ASAP2: variants seen among roughly 807,000 people sequenced by gnomAD.
ASAP2 encodes the protein ArfGAP with SH3 domain, ankyrin repeat and PH domain 2.
Under a neutral mutation model 131.4 loss-of-function variants are expected in ASAP2, and 45 were observed. That is an observed-to-expected ratio of 0.34 (90% CI 0.27 to 0.44). The LOEUF is 0.44. Among genes scored for constraint, ASAP2 ranks in the 20% least tolerant of loss-of-function variants. ASAP2 has a pLI of 1.00. For missense variants in ASAP2, 1,011 were observed against 1,297.0 expected, an observed-to-expected ratio of 0.78 and a Z score of 3.39; for synonymous variants, 510 against 503.0, an observed-to-expected ratio of 1.01 and a Z score of -0.19.
chr2:9,337,095 T>C (rs1299039975), intron 9 of ASAP2, among the ~76,000 whole-genome samples: 3 of 152,206 alleles, frequency 2.0e-5, no homozygotes, highest in African/African-American at 4.8e-5. Context: ...CAGAAGTTCT[T>C]TATAGTTTGT....
At chr2:9,211,345 G>A (rs894203356) in intron 1 of ASAP2, among the ~76,000 whole-genome samples, 6 of 152,040 alleles carry the variant, frequency 3.9e-5, no homozygotes, top group Non-Finnish European at 7.4e-5. Context: ...ATAAGCAGTT[G>A]TGGCAGAAAT....
At chr2:9,388,623 C>A in intron 22 of ASAP2, 77 bp downstream of exon 22, 1 of 1,539,642 alleles carries the variant, frequency 6.5e-7, no homozygotes, top group Non-Finnish European at 8.7e-7. Context: ...AGCTGCCCTG[C>A]CTCCAACTCA....
chr2:9,344,342 T>A (rs549606609), intron 9 of ASAP2, among the ~76,000 whole-genome samples, 190 bp from the exon 10 acceptor site: 1 of 152,210 alleles, frequency 6.6e-6, no homozygotes, highest in Non-Finnish European at 1.5e-5. Context: ...TCCAGCCTGA[T>A]AGATGGCATT....
intron 1 of ASAP2, among the ~76,000 whole-genome samples, chr2:9,209,455 G>A (rs1197557013): frequency 1.3e-5 from 2 of 152,150 alleles, no homozygotes; most frequent in South Asian, 4.1e-4. Context: ...ATACTGAGAC[G>A]AAACATGAGA....
At chr2:9,224,321 A>G (rs1267380125) in intron 1 of ASAP2, among the ~76,000 whole-genome samples, 1 of 152,068 alleles carries the variant, frequency 6.6e-6, no homozygotes, top group African/African-American at 2.4e-5. Flanking sequence ...TTTCCTCTGA[A>G]ACCCCCACAC....
intron 1 of ASAP2, chr2:9,271,490 C>T (rs1442444295): frequency 1.4e-6 from 2 of 1,409,162 alleles, no homozygotes; most frequent in East Asian, 2.3e-5. Context: ...ATCCCTTGGA[C>T]AGTAGTAAGG....
chr2:9,384,128 G>A (rs1449086895), intron 20 of ASAP2, among the ~76,000 whole-genome samples: 1 of 152,098 alleles, frequency 6.6e-6, no homozygotes, highest in Non-Finnish European at 1.5e-5. Flanking sequence ...AAATCTGCAC[G>A]TTGTGCACAT....
intron 12 of ASAP2, among the ~76,000 whole-genome samples, chr2:9,354,439 A>G (rs1238263320): frequency 6.6e-6 from 1 of 152,148 alleles, no homozygotes; most frequent in Admixed American, 6.5e-5. Flanking sequence ...GTTTTTCCTC[A>G]GAGGTTTGCC....
chr2:9,380,585 A>C (rs757957318), intron 19 of ASAP2, among the ~76,000 whole-genome samples, 156 bp from the exon 20 acceptor site: 1 of 152,244 alleles, frequency 6.6e-6, no homozygotes, highest in Non-Finnish European at 1.5e-5. Flanking sequence ...TACAAGATAC[A>C]TTCAGCCTCG....
Position 9,311,141 on chromosome 2 carries a change from C to T in ASAP2, c.346-7383C>T, listed in dbSNP as rs1232448661. On this transcript the variant is annotated intron_variant, in intron 3 of 27. Transcript: ENST00000281419. This position sits in a 1 kb window ranked among gnomAD's most constrained non-coding sequence, Gnocchi z 5.2. ...GTGTGGTGGCTCATGCCTATAGTCC[C>T]AGCACTTTGGGAGGCTGAGGTGGGT... Among the ~76,000 whole-genome samples, 1 of 152,136 alleles carries T rather than the reference C, an allele frequency of 6.6e-6. No individual in the cohort carries two copies. The highest frequency in any genetic ancestry group is 2.4e-5 in the African/African-American group (1 of 41,430).
intron 2 of ASAP2, among the ~76,000 whole-genome samples, 199 bp from the exon 3 acceptor site, chr2:9,297,101 A>G (rs926388812): frequency 3.9e-5 from 6 of 152,134 alleles, no homozygotes; most frequent in African/African-American, 1.4e-4. Flanking sequence ...TGCATACCAC[A>G]CTTGTTCTTT....
chr2:9,299,749 T>G (rs944021556), intron 3 of ASAP2, among the ~76,000 whole-genome samples: 1 of 152,212 alleles, frequency 6.6e-6, no homozygotes, highest in East Asian at 1.9e-4. Flanking sequence ...TCAGCTGATA[T>G]CTAGACCTGG....
At chr2:9,277,907 T>C (rs573211261) in intron 1 of ASAP2, among the ~76,000 whole-genome samples, 13 of 152,344 alleles carry the variant, frequency 8.5e-5, no homozygotes, top group Middle Eastern at 3.4e-3. Flanking sequence ...TCCAATAAAA[T>C]TATCATTGTG....
intron 1 of ASAP2, among the ~76,000 whole-genome samples, chr2:9,270,822 T>C (rs989473432): frequency 4.7e-5 from 6 of 126,868 alleles, no homozygotes; most frequent in African/African-American, 1.8e-4. Context: ...AGACGGAGTC[T>C]CGCTCCGTCG....
intron 21 of ASAP2, among the ~76,000 whole-genome samples, chr2:9,386,855 A>C (rs1675294421): frequency 1.3e-5 from 2 of 152,218 alleles, no homozygotes; most frequent in African/African-American, 4.8e-5. Flanking sequence ...TGGCATTTGA[A>C]ATAGAAGTTA....
At chr2:9,318,388 A>C (rs1302794603) in intron 3 of ASAP2, 136 bp from the exon 4 acceptor site, 1 of 654,834 alleles carries the variant, frequency 1.5e-6, no homozygotes, top group Non-Finnish European at 2.7e-6. Flanking sequence ...TGACTGAATA[A>C]GGCACAGTAC....
intron 1 of ASAP2, among the ~76,000 whole-genome samples, chr2:9,269,496 G>A (rs1424571547): frequency 3.3e-5 from 5 of 152,218 alleles, no homozygotes; most frequent in Non-Finnish European, 5.9e-5. Context: ...GTAGGGTTCT[G>A]TGGGGGACCA....
At chr2:9,254,224 A>AT (rs1664936972) in intron 1 of ASAP2, among the ~76,000 whole-genome samples, 4 of 75,176 alleles carry the variant, frequency 5.3e-5, no homozygotes, top group African/African-American at 1.4e-4. Flanking sequence ...AAAAAAAAAA[A>AT]AAAAAAAAAA....
intron 23 of ASAP2, 119 bp downstream of exon 23, chr2:9,391,315 A>G (rs1675703346): frequency 7.2e-7 from 1 of 1,394,248 alleles, no homozygotes; most frequent in Non-Finnish European, 9.7e-7. Flanking sequence ...CCCGTGTTGT[A>G]TGGCTCCCTG....
Sources: allele counts gnomAD v4.1 joint callset (sites outside exome capture counted in the v4.1 genomes callset), GRCh38; gene constraint gnomAD v4.1.1; non-coding constraint Gnocchi (gnomAD v3.1); transcripts MANE v1.5; gene names NCBI Gene and HGNC (gene_info 2026-07-23, HGNC 2026-07-21).